The following DTNB variants were observed in gnomAD, a reference collection of about 807,000 sequenced individuals.
The protein encoded by DTNB is DTN-B.
In DTNB, 63 loss-of-function variants were observed where a neutral mutation model predicts 90.7. The observed-to-expected ratio is 0.69, with a 90% CI of 0.57 to 0.86. DTNB has a LOEUF of 0.86. DTNB is among the 40% of genes least tolerant of loss of function. The pLI, the probability that DTNB is intolerant of heterozygous loss-of-function variation, is 0.00. For synonymous variants in DTNB, 277 were observed against 286.7 expected (o/e 0.97, Z 0.34); for missense variants, 744 against 807.1 (o/e 0.92, Z 0.95).
chr2:25,387,136 G>T lies in DTNB; in HGVS notation c.1825+153C>A. 1 of 632,762 alleles carries T rather than the reference G, an allele frequency of 1.6e-6. No homozygotes were observed. Among genetic ancestry groups the T allele is most frequent in the Non-Finnish European group, 2.7e-6 (1 of 367,378 alleles). 39.2% of individuals were successfully genotyped at this position (632,762 alleles called of 1,614,324 possible). ...GTGTGACAGAGGCTCTCTGGGTGGA[G>T]ACATCCAGTGTGTTCCTAGAAGGCA... On this transcript the variant is annotated intron_variant, in intron 18 of 20. Coordinates refer to ENST00000406818, the MANE Select transcript of DTNB (RefSeq NM_021907.5). The surrounding 1 kb of genome is among the most constrained non-coding windows in gnomAD (Gnocchi z 4.5).
At chr2:25,473,912 C>T (rs1372269882) in intron 10 of DTNB, among the ~76,000 whole-genome samples, 1 of 152,246 alleles carries the variant, frequency 6.6e-6, no homozygotes, top group East Asian at 1.9e-4. Context: ...CCCAAACTTG[C>T]TCCTTCCAGT....
intron 16 of DTNB, among the ~76,000 whole-genome samples, chr2:25,407,143 AC>A (rs2045406044): frequency 1.3e-5 from 2 of 152,182 alleles, no homozygotes; most frequent in African/African-American, 4.8e-5. Flanking sequence ...AAGAAGATAT[AC>A]AAATGGCCAA....
At chr2:25,581,886 G>A (rs1465505787) in intron 6 of DTNB, among the ~76,000 whole-genome samples, 2 of 152,178 alleles carry the variant, frequency 1.3e-5, no homozygotes, top group African/African-American at 4.8e-5. Flanking sequence ...ACACACTCAG[G>A]AGGTGCATGG....
At chr2:25,557,812 C>T (rs191174581) in intron 8 of DTNB, among the ~76,000 whole-genome samples, 2 of 152,230 alleles carry the variant, frequency 1.3e-5, no homozygotes, top group Non-Finnish European at 1.5e-5. Context: ...GTTGCTGCTT[C>T]CTACAGATGA....
intron 18 of DTNB, chr2:25,385,895 A>G: frequency 2.2e-6 from 1 of 461,366 alleles, no homozygotes; most frequent in Non-Finnish European, 2.9e-6. Context: ...TTTTGCATAA[A>G]CTCTAATAAG....
At chr2:25,592,669 T>G (rs1044508738) in intron 6 of DTNB, among the ~76,000 whole-genome samples, 27 of 152,126 alleles carry the variant, frequency 1.8e-4, no homozygotes, top group Non-Finnish European at 5.9e-5. Flanking sequence ...GCATTTCTGC[T>G]GTAATGTGTT....
rs565443869 is a variant in DTNB, at chr2:25,432,966, C to T, written c.1377G>A (p.Leu459=). The change falls in exon 14 of 21, where the codon CTG becomes CTA. Residue 459 remains leucine (L), a synonymous_variant. Transcript: ENST00000406818. Reference sequence around the variant, plus strand: ...TGGGCTGGGAGGCCTGCTCGTGTTCCAGGCGGAGACGCTGAATCTCCTGCA... The same window carrying T: ...TGGGCTGGGAGGCCTGCTCGTGTTCTAGGCGGAGACGCTGAATCTCCTGCA... ...EILQEIQRLR[L]EHEQASQPTP... 1.4e-5 allele frequency: 22 copies of T among 1,610,242 alleles called. No individual in the cohort carries two copies. The highest frequency in any genetic ancestry group is 3.3e-4 in the Middle Eastern group (2 of 6,056).
At chr2:25,510,123 T>C (rs1474124759) in intron 9 of DTNB, among the ~76,000 whole-genome samples, 1 of 152,176 alleles carries the variant, frequency 6.6e-6, no homozygotes, top group Non-Finnish European at 1.5e-5. Flanking sequence ...CTTTTGGCCT[T>C]ACCAAGAATT....
chr2:25,544,744 T>A (rs764983343), intron 8 of DTNB, among the ~76,000 whole-genome samples: 4 of 152,262 alleles, frequency 2.6e-5, no homozygotes, highest in Non-Finnish European at 4.4e-5. Context: ...CATAGTTTAG[T>A]ACTTCAGCTG....
At chr2:25,388,763 T>C (rs1573704023) in intron 16 of DTNB, 1 of 174,722 alleles carries the variant, frequency 5.7e-6, no homozygotes, top group Non-Finnish European at 1.2e-5. Context: ...TTTGGACCCC[T>C]CCCCCCGCTG....
At chr2:25,399,598 C>A in intron 16 of DTNB, 1 of 74,774 alleles carries the variant, frequency 1.3e-5, no homozygotes, top group Non-Finnish European at 2.3e-5. Flanking sequence ...CCCACCTCAG[C>A]CTCCCAAAGT....
chr2:25,414,019 T>G (rs2047257222), intron 16 of DTNB, among the ~76,000 whole-genome samples: 1 of 152,238 alleles, frequency 6.6e-6, no homozygotes, highest in Admixed American at 6.5e-5. Flanking sequence ...TTTGCATTTC[T>G]CTGATGGCCA....
chr2:25,491,146 C>CACACAG (rs1553453763), intron 9 of DTNB, among the ~76,000 whole-genome samples: 1 of 50,740 alleles, frequency 2.0e-5, no homozygotes, highest in Non-Finnish European at 3.9e-5. Flanking sequence ...AGCACACACA[C>CACACAG]ACACACACAC....
At chr2:25,647,641 G>A (rs866616973) in intron 2 of DTNB, among the ~76,000 whole-genome samples, 35 of 152,110 alleles carry the variant, frequency 2.3e-4, no homozygotes, top group African/African-American at 8.0e-4. Flanking sequence ...TTGGGAAGCC[G>A]AGGTGGGAGG....
At chr2:25,490,001 C>T (rs955697347) in intron 9 of DTNB, among the ~76,000 whole-genome samples, 1 of 152,212 alleles carries the variant, frequency 6.6e-6, no homozygotes, top group African/African-American at 2.4e-5. Context: ...ACAGGCTGTG[C>T]ACAGTGGCTC....
intron 16 of DTNB, among the ~76,000 whole-genome samples, chr2:25,395,524 A>T (rs2042160110): frequency 6.7e-6 from 1 of 149,822 alleles, no homozygotes; most frequent in African/African-American, 2.4e-5. Flanking sequence ...GTACATAAAT[A>T]TATAAATCAC....
intron 16 of DTNB, among the ~76,000 whole-genome samples, chr2:25,395,340 G>A (rs2042107609): frequency 6.6e-6 from 1 of 151,888 alleles, no homozygotes; most frequent in South Asian, 2.1e-4. Flanking sequence ...ACTTATTCAT[G>A]TAATCAAATA....
At chr2:25,603,978 C>G (rs2066477047) in intron 5 of DTNB, among the ~76,000 whole-genome samples, 1 of 152,188 alleles carries the variant, frequency 6.6e-6, no homozygotes. Flanking sequence ...AACAATCATA[C>G]TACACAAGCT....
Position 25,556,992 on chromosome 2 carries a change from G to T in DTNB, c.876+19846C>A, listed in dbSNP as rs1347049279. On this transcript the variant is annotated intron_variant, in intron 8 of 20. Coordinates refer to ENST00000406818, the MANE Select transcript of DTNB (RefSeq NM_021907.5). ...TTACTCTGTAAGAAAAAACTTTCAT[G>T]TGTTATAAGTCATCTTTGTATTAGA... is the stretch of plus-strand genomic sequence containing the variant. Among the ~76,000 whole-genome samples the T allele has an allele frequency of 2.0e-5, 3 of 152,168 alleles. No homozygotes were observed. In the East Asian group the frequency reaches 5.8e-4, roughly 29 times the overall value.
Sources: gnomAD v4.1 joint callset for allele counts (sites outside exome capture counted in the v4.1 genomes callset) on GRCh38, gnomAD v4.1.1 for gene constraint, Gnocchi (gnomAD v3.1) non-coding constraint, MANE v1.5 for transcripts, NCBI Gene and HGNC (gene_info 2026-07-23, HGNC 2026-07-21) for gene names.